RSPH14: variants seen among roughly 807,000 people sequenced by gnomAD.
The protein encoded by RSPH14 is rhabdoid tumor deletion region gene 1.
A neutral mutation model predicts 26.7 loss-of-function variants in RSPH14; 20 were observed. That is an observed-to-expected ratio of 0.75 (90% CI 0.53 to 1.09). The LOEUF (loss-of-function observed/expected upper bound fraction) is 1.09. RSPH14 is among the 50% of genes least tolerant of loss of function. The pLI is 0.00. For missense variants in RSPH14, 449 were observed against 457.2 expected, an observed-to-expected ratio of 0.98 and a Z score of 0.16; for synonymous variants, 177 against 189.3, an observed-to-expected ratio of 0.93 and a Z score of 0.53.
At chr22:23,116,930 G>A (rs968714186) in intron 4 of RSPH14, among the ~76,000 whole-genome samples, 1 of 152,192 alleles carries the variant, frequency 6.6e-6, no homozygotes, top group African/African-American at 2.4e-5. Flanking sequence ...AAGCCTGGAG[G>A]ATGCCTCTGT....
the RSPH14 span, among the ~76,000 whole-genome samples, chr22:23,177,519 G>T: frequency 2.0e-5 from 3 of 152,194 alleles, no homozygotes; most frequent in African/African-American, 7.2e-5. Flanking sequence ...CACTGAGTGG[G>T]GGATTACAGA....
At chr22:23,096,051 A>T in intron 4 of RSPH14, 1 of 1,607,320 alleles carries the variant, frequency 6.2e-7, no homozygotes. Flanking sequence ...AGCAAGGGCG[A>T]GATCACACCC....
intron 4 of RSPH14, among the ~76,000 whole-genome samples, chr22:23,118,863 G>GCAGGC (rs1054641690): frequency 3.3e-5 from 5 of 152,206 alleles, no homozygotes; most frequent in African/African-American, 2.4e-5. Flanking sequence ...AAAACCCCAT[G>GCAGGC]CAGGCCAGGC....
At chr22:23,175,651 A>G in the RSPH14 span, among the ~76,000 whole-genome samples, 1 of 152,214 alleles carries the variant, frequency 6.6e-6, no homozygotes, top group Non-Finnish European at 1.5e-5. Flanking sequence ...AAGCATGATG[A>G]TTTAGAAAAT....
upstream of RSPH14, among the ~76,000 whole-genome samples, chr22:23,145,762 G>A (rs544320405): frequency 6.6e-6 from 1 of 152,388 alleles, no homozygotes; most frequent in African/African-American, 2.4e-5. Flanking sequence ...CAGGTCAGAT[G>A]CGGGAAGACA....
At chr22:23,099,287 A>G (rs2070143585) in intron 4 of RSPH14, among the ~76,000 whole-genome samples, 1 of 152,268 alleles carries the variant, frequency 6.6e-6, no homozygotes, top group African/African-American at 2.4e-5. Flanking sequence ...GTGTCTGTGG[A>G]GCATGGCAGC....
chr22:23,122,670 G>A (rs956904175), intron 4 of RSPH14: 8 of 198,124 alleles, frequency 4.0e-5, no homozygotes, highest in Non-Finnish European at 8.4e-5. Context: ...GATGTGACGG[G>A]GGCTCCTGCA....
chr22:23,172,287 G>A, the RSPH14 span, among the ~76,000 whole-genome samples: 15 of 152,184 alleles, frequency 9.9e-5, no homozygotes, highest in South Asian at 1.0e-3. Context: ...TAGTGATGGT[G>A]CGCGTATAGT....
the RSPH14 span, among the ~76,000 whole-genome samples, chr22:23,154,358 T>C: frequency 0.8 from 121,182 of 152,208 alleles, 48,519 homozygotes; most frequent in East Asian, 0.99. Flanking sequence ...TGGATGTCAG[T>C]TCCTAACTCT....
At chr22:23,098,209 G>A (rs1288960625) in intron 4 of RSPH14, among the ~76,000 whole-genome samples, 2 of 152,234 alleles carry the variant, frequency 1.3e-5, no homozygotes, top group East Asian at 3.9e-4. Flanking sequence ...TTTTGCTCCA[G>A]CAGTACTGCT....
At chr22:23,066,619 AAG>A (rs2068217151) in intron 4 of RSPH14, among the ~76,000 whole-genome samples, 1 of 152,234 alleles carries the variant, frequency 6.6e-6, no homozygotes, top group Non-Finnish European at 1.5e-5. Context: ...CAGCTAAAAG[AAG>A]AGTCTCGGGC....
chr22:23,142,511 TA>T (rs2070622068), upstream of RSPH14, among the ~76,000 whole-genome samples: 1 of 152,206 alleles, frequency 6.6e-6, no homozygotes, highest in African/African-American at 2.4e-5. Flanking sequence ...CTAATTTTTG[TA>T]TTTTTAGTAG....
chr22:23,129,283 C>T (rs2070251741), intron 4 of RSPH14, among the ~76,000 whole-genome samples: 1 of 152,148 alleles, frequency 6.6e-6, no homozygotes, highest in African/African-American at 2.4e-5. Flanking sequence ...CCCTGCATAC[C>T]CGGTGTCCCA....
chr22:23,129,986 AAG>A (rs1286582688), intron 4 of RSPH14, among the ~76,000 whole-genome samples: 2 of 150,176 alleles, frequency 1.3e-5, no homozygotes, highest in African/African-American at 5.0e-5. Flanking sequence ...GAAAGAGACA[AAG>A]AGAGAAAGAG....
the RSPH14 span, among the ~76,000 whole-genome samples, chr22:23,179,449 T>C: frequency 1.3e-5 from 2 of 152,148 alleles, no homozygotes; most frequent in African/African-American, 4.8e-5. Flanking sequence ...TCAAAGGTTT[T>C]GTTTCACTCC....
At chr22:23,148,157 T>C (rs1377992751), upstream of RSPH14, among the ~76,000 whole-genome samples, 1 of 151,950 alleles carries the variant, frequency 6.6e-6, no homozygotes, top group Non-Finnish European at 1.5e-5. Context: ...TCTTCCTCCT[T>C]CCCCCTTCTT....
At chr22:23,098,931 G>C (rs752567593) in intron 4 of RSPH14, among the ~76,000 whole-genome samples, 2 of 152,222 alleles carry the variant, frequency 1.3e-5, no homozygotes, top group African/African-American at 4.8e-5. Context: ...CTTTTGGAAC[G>C]TGCTGAACTG....
chr22:23,069,341 G>A (rs2068283674), intron 4 of RSPH14, among the ~76,000 whole-genome samples: 1 of 152,216 alleles, frequency 6.6e-6, no homozygotes, highest in Non-Finnish European at 1.5e-5. Context: ...GGATGCTCTA[G>A]GATACACAAA....
chr22:23,116,384 G>C (rs912568230), intron 4 of RSPH14, among the ~76,000 whole-genome samples: 2 of 152,244 alleles, frequency 1.3e-5, no homozygotes, highest in Non-Finnish European at 2.9e-5. Context: ...GTGGCTACGC[G>C]CCTGTGACAG....
Sources: gnomAD v4.1 joint callset for allele counts (sites outside exome capture counted in the v4.1 genomes callset) on GRCh38, gnomAD v4.1.1 for gene constraint, MANE v1.5 for transcripts, NCBI Gene and HGNC (gene_info 2026-07-23, HGNC 2026-07-21) for gene names.